ILK: variants seen among roughly 807,000 people sequenced by gnomAD.
ILK encodes scaffold protein ILK.
A neutral mutation model predicts 57.8 loss-of-function variants in ILK; 37 were observed. The ratio of observed to expected loss-of-function variants is 0.64; its 90% confidence interval spans 0.49 to 0.84. ILK has a LOEUF of 0.84. ILK is among the 40% of genes least tolerant of loss of function. ILK has a pLI of 0.00. For missense variants in ILK, 528 were observed against 595.7 expected, an observed-to-expected ratio of 0.89 and a Z score of 1.18; for synonymous variants, 231 against 202.2, an observed-to-expected ratio of 1.14 and a Z score of -1.21.
At position 6,609,995 on chromosome 11, in the gene ILK, T is replaced by A. The variant is rs1589941606; in HGVS notation, c.1038T>A (p.Cys346Ter). Residue 346 changes from cysteine (C) to a stop codon, truncating the protein, a stop_gained, in exon 11 of 13, where the codon TGT becomes TGA. Transcript: ENST00000299421. LOFTEE classifies it high-confidence loss of function. ...CTGATGTCAAGTTCTCTTTCCAATGTCCTGGTCGCATGTATGCACCTGCCT... is the reference window on the plus strand; with the variant it reads ...CTGATGTCAAGTTCTCTTTCCAATGACCTGGTCGCATGTATGCACCTGCCT... ...SMADVKFSFQ[C>*]PGRMYAPAWV... 1.9e-6 allele frequency: 3 copies of A among 1,614,220 alleles called. No homozygotes were observed. Among genetic ancestry groups the A allele is most frequent in the South Asian group, 1.1e-5 (1 of 91,084 alleles).
intron 2 of ILK, chr11:6,604,948 G>GTTT: frequency 4.4e-6 from 2 of 450,196 alleles, no homozygotes; most frequent in East Asian, 1.4e-4. Context: ...ATTAGGGTGA[G>GTTT]TGAAAAAGAG....
chr11:6,609,640 G>A lies in ILK; in HGVS notation c.856+1G>A, dbSNP rs1589940179. 5 of 1,614,248 alleles carry A rather than the reference G, an allele frequency of 3.1e-6. No homozygotes were observed. The highest frequency in any genetic ancestry group is 4.2e-6 in the Non-Finnish European group (5 of 1,180,044). ...TACAATGTACTACATGAAGGCACCAGTGAGTAGGGATGTTGAATTTCCTTG... is the reference window on the plus strand; with the variant it reads ...TACAATGTACTACATGAAGGCACCAATGAGTAGGGATGTTGAATTTCCTTG... On this transcript the variant is annotated splice_donor_variant, in intron 9 of 12. Coordinates refer to ENST00000299421, the MANE Select transcript of ILK (RefSeq NM_004517.4). LOFTEE classifies it high-confidence loss of function.
At position 6,610,532 on chromosome 11, in the gene ILK, T is replaced by C; in HGVS notation, c.1280T>C (p.Ile427Thr). 1 of 1,614,224 alleles carries C rather than the reference T, an allele frequency of 6.2e-7. No individual in the cohort carries two copies. Among genetic ancestry groups the C allele is most frequent in the Non-Finnish European group, 8.5e-7 (1 of 1,180,040 alleles). Reference protein sequence around the residue: ...ISPHVCKLMKICMNEDPAKRP... With the variant: ...ISPHVCKLMKTCMNEDPAKRP... ...CCTCATGTGTGTAAGCTCATGAAGA[T>C]CTGCATGAATGAAGACCCTGCAAAG... is the stretch of plus-strand genomic sequence containing the variant. The change falls in exon 13 of 13, where the codon ATC becomes ACC. Residue 427 changes from isoleucine to threonine, a missense_variant. Coordinates refer to ENST00000299421, the MANE Select transcript of ILK (RefSeq NM_004517.4).
chr11:6,605,550 T>G (rs1854807607), intron 2 of ILK, among the ~76,000 whole-genome samples: 1 of 151,956 alleles, frequency 6.6e-6, no homozygotes, highest in Non-Finnish European at 1.5e-5. Flanking sequence ...ATGTGCAGGT[T>G]TGTTGGATGG....
chr11:6,610,251 C>A lies in ILK; in HGVS notation c.1182C>A (p.Asp394Glu). ...TGACACGGGAGGTACCCTTTGCTGA[C>A]CTCTCCAATATGGAGATTGGAATGA... is the stretch of plus-strand genomic sequence containing the variant. Reference protein sequence around the residue: ...ELVTREVPFADLSNMEIGMKV... With the variant: ...ELVTREVPFAELSNMEIGMKV... The change falls in exon 12 of 13, where the codon GAC becomes GAA. Residue 394 changes from aspartate to glutamate, a missense_variant. Coordinates refer to ENST00000299421, the MANE Select transcript of ILK (RefSeq NM_004517.4). 1 of 1,614,190 alleles carries A rather than the reference C, an allele frequency of 6.2e-7. No homozygotes were observed. Among genetic ancestry groups the A allele is most frequent in the Non-Finnish European group, 8.5e-7 (1 of 1,180,040 alleles).
At position 6,604,169 on chromosome 11, in the gene ILK, C is replaced by G. The variant is rs971690684; in HGVS notation, c.-92-11C>G. The G allele has an allele frequency of 9.4e-7, 1 of 1,066,856 alleles. No individual in the cohort carries two copies. The highest frequency in any genetic ancestry group is 2.6e-5 in the East Asian group (1 of 38,864). The allele number at this position is 1,066,856 out of a possible 1,614,324, so 66.1% of individuals were successfully genotyped here. On this transcript the variant is annotated splice_polypyrimidine_tract_variant and intron_variant, in intron 1 of 12. Transcript: ENST00000299421. Reference sequence around the variant, plus strand: ...CCCCCTACCCCCAACACAAACACTTCTCTCCTGTAGAGGATAAAGCTTGGG... The same window carrying G: ...CCCCCTACCCCCAACACAAACACTTGTCTCCTGTAGAGGATAAAGCTTGGG...
chr11:6,604,918 T>C, intron 2 of ILK: 1 of 456,248 alleles, frequency 2.2e-6, no homozygotes, highest in Non-Finnish European at 4.4e-6. Flanking sequence ...ATCGTAGAAG[T>C]AATGATGTCT....
Position 6,608,166 on chromosome 11 carries a change from C to G in ILK, c.210C>G (p.Pro70=). 6.2e-7 allele frequency: 1 copy of G among 1,614,154 alleles called. No homozygotes were observed. Among genetic ancestry groups the G allele is most frequent in the Non-Finnish European group, 8.5e-7 (1 of 1,180,026 alleles). The part of the protein sequence containing the change: ...INVMNRGDDT[P]LHLAASHGHR... ...TAATGAACCGTGGGGATGACACCCC[C>G]CTGCATCTGGCAGCCAGTCATGGAC... is the stretch of plus-strand genomic sequence containing the variant. The change falls in exon 3 of 13, where the codon CCC becomes CCG. Residue 70 remains proline, a synonymous_variant. Coordinates refer to ENST00000299421, the MANE Select transcript of ILK (RefSeq NM_004517.4). The surrounding 1 kb of genome is among the most constrained non-coding windows in gnomAD (Gnocchi z 4.9).
intron 2 of ILK, among the ~76,000 whole-genome samples, chr11:6,605,942 G>A (rs79548722): frequency 0.16 from 24,730 of 152,136 alleles, 2,235 homozygotes; most frequent in East Asian, 0.35. Context: ...TTGGGAGGCC[G>A]AGGCTGGTGG....
At chr11:6,610,410 C>G in intron 12 of ILK, 52 bp from the exon 13 acceptor site, 1 of 1,613,936 alleles carries the variant, frequency 6.2e-7, no homozygotes, top group Non-Finnish European at 8.5e-7. Context: ...AGTGGCTTCT[C>G]TCTACATGAC....
At chr11:6,609,033 A>T in intron 6 of ILK, 38 bp from the exon 7 acceptor site, 2 of 1,611,888 alleles carry the variant, frequency 1.2e-6, no homozygotes, top group South Asian at 1.1e-5. Flanking sequence ...GGGCTGGGTT[A>T]GGGTGAAGCT....
chr11:6,604,140 C>G (rs1388132735), intron 1 of ILK, 40 bp from the exon 2 acceptor site: 1 of 827,938 alleles, frequency 1.2e-6, no homozygotes, highest in African/African-American at 1.7e-5. Context: ...GGACGCAGCT[C>G]AGGCCCCCTA....
In ILK at chr11:6,609,808, T is replaced by G; in HGVS notation, c.941T>G (p.Leu314Arg). ...GCCTTCCTACACACACTAGAGCCCC[T>G]CATCCCACGACATGCACTCAATAGC... ...GMAFLHTLEP[L>R]IPRHALNSRS... Residue 314 changes from leucine to arginine, a missense_variant, in exon 10 of 13, where the codon CTC becomes CGC. By Grantham distance (102) the Leu-to-Arg change is moderately radical. Transcript: ENST00000299421. The G allele has an allele frequency of 6.2e-7, 1 of 1,614,148 alleles. No individual in the cohort carries two copies. Among genetic ancestry groups the G allele is most frequent in the Non-Finnish European group, 8.5e-7 (1 of 1,180,020 alleles).
rs758893127 is a variant in ILK, at chr11:6,610,198, A to G, written c.1129A>G (p.Ser377Gly). ...DTNRRSADMW[S>G]FAVLLWELVT... is the part of the protein sequence containing the mutation. ...AAACAGACGCTCAGCAGACATGTGG[A>G]GTTTTGCAGTGCTTCTGTGGGAACT... Residue 377 changes from serine (S) to glycine (G), a missense_variant, in exon 12 of 13, where the codon AGT becomes GGT. Transcript: ENST00000299421. 6.2e-7 allele frequency: 1 copy of G among 1,614,210 alleles called. No homozygotes were observed. The highest frequency in any genetic ancestry group is 8.5e-7 in the Non-Finnish European group (1 of 1,180,042).
rs537137677 is a variant in ILK, at chr11:6,608,517, A to G, written c.351+28A>G. Reference sequence around the variant, plus strand: ...GAGTACTCAGCCCTTAATTCCTGAGATGGGTAGGAAGTAAAGTCTGAGCCT... The same window carrying G: ...GAGTACTCAGCCCTTAATTCCTGAGGTGGGTAGGAAGTAAAGTCTGAGCCT... On this transcript the variant is annotated intron_variant, in intron 4 of 12. Transcript: ENST00000299421. This position sits in a 1 kb window ranked among gnomAD's most constrained non-coding sequence, Gnocchi z 4.9. 7 of 1,569,484 alleles carry G rather than the reference A, an allele frequency of 4.5e-6. No individual in the cohort carries two copies. In the South Asian group the frequency reaches 7.8e-5, roughly 17 times the overall value.
At chr11:6,605,624 C>T (rs1854820626) in intron 2 of ILK, among the ~76,000 whole-genome samples, 1 of 147,524 alleles carries the variant, frequency 6.8e-6, no homozygotes. Context: ...TAAGCCGTGG[C>T]ACCCATTAGT....
chr11:6,610,207 G>A lies in ILK; in HGVS notation c.1138G>A (p.Val380Met). The A allele has an allele frequency of 6.2e-7, 1 of 1,614,248 alleles. No individual in the cohort carries two copies. The highest frequency in any genetic ancestry group is 8.5e-7 in the Non-Finnish European group (1 of 1,180,040). The change falls in exon 12 of 13, where the codon GTG becomes ATG. Residue 380 changes from valine to methionine, a missense_variant. Physicochemically the swap from Val to Met is conservative, Grantham distance 21 (BLOSUM62 1). Transcript: ENST00000299421. ...CTCAGCAGACATGTGGAGTTTTGCA[G>A]TGCTTCTGTGGGAACTGGTGACACG... ...RRSADMWSFAVLLWELVTREV... is the reference protein window; with the variant it reads ...RRSADMWSFAMLLWELVTREV...
At chr11:6,607,966 T>G in intron 2 of ILK, 80 bp from the exon 3 acceptor site, 1 of 1,419,538 alleles carries the variant, frequency 7.0e-7, no homozygotes, top group Non-Finnish European at 9.9e-7. Context: ...CCAGAGAGTA[T>G]GTAATTATCA....
At chr11:6,607,078 G>C (rs1488798690) in intron 2 of ILK, 3 of 152,374 alleles carry the variant, frequency 2.0e-5, no homozygotes, top group Non-Finnish European at 4.4e-5. Context: ...TCCAGGCCTT[G>C]CCTAGAGTCG....
Sources: gnomAD v4.1 joint callset for allele counts (sites outside exome capture counted in the v4.1 genomes callset) on GRCh38, gnomAD v4.1.1 for gene constraint, Gnocchi (gnomAD v3.1) non-coding constraint, MANE v1.5 for transcripts, NCBI Gene and HGNC (gene_info 2026-07-23, HGNC 2026-07-21) for gene names.